The following GIP variants were observed in gnomAD, a reference collection of about 807,000 sequenced individuals.
GIP encodes the protein glucose-dependent insulinotropic polypeptide.
GIP carries 16 observed loss-of-function variants against 18.1 expected under a neutral mutation model. The ratio of observed to expected loss-of-function variants is 0.88; its 90% CI spans 0.60 to 1.34. The LOEUF (loss-of-function observed/expected upper bound fraction) is 1.34, where lower values mean the gene tolerates loss of function less well. Ranked by LOEUF, GIP falls within the 40% of genes most tolerant of loss-of-function variation. The pLI is 0.00. For synonymous variants in GIP, 76 were observed against 74.0 expected, an observed-to-expected ratio of 1.03 and a Z score of -0.14; for missense variants, 192 against 183.4, an observed-to-expected ratio of 1.05 and a Z score of -0.27.
intron 3 of GIP, among the ~76,000 whole-genome samples, chr17:48,963,459 C>A (rs531154583): frequency 6.7e-6 from 1 of 150,276 alleles, no homozygotes; most frequent in South Asian, 2.1e-4. Context: ...GTTTGAGAAC[C>A]AGACTGGTCA....
At chr17:48,964,227 G>T in intron 3 of GIP, 83 bp downstream of exon 3, 2 of 980,844 alleles carry the variant, frequency 2.0e-6, no homozygotes, top group Non-Finnish European at 1.6e-6. Flanking sequence ...TGTGGCCTGT[G>T]TGGCCACAGC....
chr17:48,958,701 T>C lies in GIP; in HGVS notation c.*6A>G, dbSNP rs373608993. The C allele has an allele frequency of 3.5e-5, 56 of 1,581,992 alleles. No individual in the cohort carries two copies. Among genetic ancestry groups the C allele is most frequent in the East Asian group, 2.8e-4 (12 of 43,274 alleles). On this transcript the variant is annotated 3_prime_UTR_variant, in exon 6 of 6. Transcript: ENST00000357424. ...GAATCCAGTCCTGAGCTGGGTGTGG[T>C]CAGAGTCACCGAGACCTGGGGAGAG...
At chr17:48,961,590 C>A (rs2041200564) in intron 4 of GIP, 137 bp downstream of exon 4, 1 of 624,838 alleles carries the variant, frequency 1.6e-6, no homozygotes, top group Admixed American at 2.7e-5. Flanking sequence ...TCAATGAAGA[C>A]CCCTCTTTGA....
chr17:48,958,764 C>T (rs376420080), intron 5 of GIP, 48 bp from the exon 6 acceptor site: 31 of 1,520,692 alleles, frequency 2.0e-5, no homozygotes, highest in South Asian at 1.3e-4. Context: ...GACTTGGAGT[C>T]GGCCAAGCAC....
chr17:48,961,833 G>A lies in GIP; in HGVS notation c.258-14C>T. The stretch of plus-strand genomic sequence containing the variant: ...TTGTGTTTCCAGCTGGGAAGATAAA[G>A]ATTAGAGAGTGGGCAAGCTGCGGAG... On this transcript the variant is annotated splice_polypyrimidine_tract_variant and intron_variant, in intron 3 of 5. Transcript: ENST00000357424. The A allele has an allele frequency of 6.3e-7, 1 of 1,596,476 alleles. No homozygotes were observed. Among genetic ancestry groups the A allele is most frequent in the Non-Finnish European group, 8.6e-7 (1 of 1,166,344 alleles).
intron 1 of GIP, 106 bp from the exon 2 acceptor site, chr17:48,967,359 C>CT (rs369779985): frequency 0.083 from 41,269 of 498,498 alleles, 2,373 homozygotes; most frequent in African/African-American, 0.31. Context: ...TTTCCTTTTT[C>CT]TTTTTTTTTT....
chr17:48,964,801 C>A (rs1364822906), intron 2 of GIP, among the ~76,000 whole-genome samples: 1 of 152,152 alleles, frequency 6.6e-6, no homozygotes, highest in African/African-American at 2.4e-5. Context: ...CGAGACCAGC[C>A]TGACCAACAT....
intron 1 of GIP, among the ~76,000 whole-genome samples, chr17:48,967,868 A>G (rs1302852098): frequency 2.0e-5 from 3 of 151,444 alleles, no homozygotes; most frequent in Non-Finnish European, 2.9e-5. Context: ...CCTGGCCAAT[A>G]TGGTGAAATC....
At chr17:48,967,054 C>G in intron 2 of GIP, 93 bp downstream of exon 2, 1 of 939,134 alleles carries the variant, frequency 1.1e-6, no homozygotes, top group Non-Finnish European at 1.7e-6. Context: ...GCCTGGATTC[C>G]TTCCCTTTCT....
chr17:48,964,015 C>T (rs2041217379), intron 3 of GIP, among the ~76,000 whole-genome samples: 1 of 150,470 alleles, frequency 6.6e-6, no homozygotes, highest in African/African-American at 2.4e-5. Flanking sequence ...AAAAAATTAG[C>T]CGGGCATGGT....
intron 3 of GIP, among the ~76,000 whole-genome samples, chr17:48,962,842 C>G (rs995661683): frequency 5.9e-5 from 9 of 151,860 alleles, no homozygotes; most frequent in Non-Finnish European, 1.0e-4. Context: ...CAGTGGCTCA[C>G]ACTTGTAATC....
intron 2 of GIP, among the ~76,000 whole-genome samples, chr17:48,964,953 C>T (rs912113371): frequency 1.3e-5 from 2 of 151,406 alleles, no homozygotes; most frequent in African/African-American, 2.4e-5. Context: ...TCCTGGCTAA[C>T]ACAGTGAAAC....
rs55936433 is a variant in GIP at position 48,958,680 on chromosome 17, C to A, written c.*27G>T. 0.28 allele frequency: 444,301 copies of A among 1,565,272 alleles called. 65,255 individuals carry two copies. Among genetic ancestry groups the A allele is most frequent in the Admixed American group, 0.41 (22,466 of 54,284 alleles). ...GCAGGTGCTAAGTGAAGGGCAGAAT[C>A]CAGTCCTGAGCTGGGTGTGGTCAGA... is the stretch of plus-strand genomic sequence containing the variant. On this transcript the variant is annotated 3_prime_UTR_variant, in exon 6 of 6. Coordinates refer to ENST00000357424, the MANE Select transcript of GIP (RefSeq NM_004123.3).
intron 4 of GIP, 80 bp downstream of exon 4, chr17:48,961,646 TG>T: frequency 1.2e-6 from 1 of 854,642 alleles, no homozygotes; most frequent in Non-Finnish European, 1.9e-6. Context: ...TGCTCTGCTC[TG>T]GGGTCAGGGA....
chr17:48,964,753 TG>T (rs2143850973), intron 2 of GIP, among the ~76,000 whole-genome samples: 1 of 152,120 alleles, frequency 6.6e-6, no homozygotes, highest in African/African-American at 2.4e-5. Flanking sequence ...CCCAACACTT[TG>T]GGAGGCCAAG....
chr17:48,966,219 T>G (rs1176313431), intron 2 of GIP, among the ~76,000 whole-genome samples: 3 of 139,804 alleles, frequency 2.1e-5, no homozygotes, highest in African/African-American at 8.3e-5. Flanking sequence ...ATCGCGCCAG[T>G]GCACTCCAGC....
At chr17:48,961,669 G>C in intron 4 of GIP, 58 bp downstream of exon 4, 1 of 1,062,748 alleles carries the variant, frequency 9.4e-7, no homozygotes, top group South Asian at 1.3e-5. Context: ...AGGGAACAAA[G>C]AGGTGGGGGC....
At position 48,967,260 on chromosome 17, in the gene GIP, CAG is replaced by C. The variant is rs2041240187; in HGVS notation, c.-21-9_-21-8del. On this transcript the variant is annotated splice_region_variant and splice_polypyrimidine_tract_variant and intron_variant, in intron 1 of 5. Coordinates refer to ENST00000357424, the MANE Select transcript of GIP (RefSeq NM_004123.3). ...TCCAAGGTTATTTCCTGAGCTAAGA[CAG>C]AAAAAAGCCAGGACATGTTGAGAGA... 4.4e-6 allele frequency: 7 copies of C among 1,595,726 alleles called. No homozygotes were observed. In the East Asian group the frequency reaches 1.6e-4, roughly 36 times the overall value.
At chr17:48,963,200 C>T (rs1351285485) in intron 3 of GIP, among the ~76,000 whole-genome samples, 1 of 152,006 alleles carries the variant, frequency 6.6e-6, no homozygotes, top group Admixed American at 6.6e-5. Flanking sequence ...CCAGAGCTAC[C>T]ATGTCTGACT....
Sources: allele counts gnomAD v4.1 joint callset (sites outside exome capture counted in the v4.1 genomes callset), GRCh38; gene constraint gnomAD v4.1.1; transcripts MANE v1.5; gene names NCBI Gene and HGNC (gene_info 2026-07-23, HGNC 2026-07-21).